Variants in DYNC1H1 observed in about 807,000 individuals in gnomAD.
DYNC1H1 encodes the protein cytoplasmic dynein 1 heavy chain 1.
Under a neutral mutation model 527.1 loss-of-function variants are expected in DYNC1H1, and 51 were observed. That is an observed-to-expected ratio of 0.10 (90% CI 0.08 to 0.12). The LOEUF is 0.12. Ranked by LOEUF, DYNC1H1 falls within the 10% of genes least tolerant of loss-of-function variation. The pLI is 1.00. For synonymous variants in DYNC1H1, 2,189 were observed against 2,278.8 expected (o/e 0.96, Z 1.12); for missense variants, 2,771 against 5,971.8 (o/e 0.46, Z 17.66).
chr14:101,995,918 C>A lies in DYNC1H1; in HGVS notation c.3564+618C>A, dbSNP rs547995922. The stretch of plus-strand genomic sequence containing the variant: ...TCTACAAAAAATATACAAAAAATTA[C>A]CTGAGTGTGGTGGCATGTGCCTGTA... On this transcript the variant is annotated intron_variant, in intron 15 of 77. Coordinates refer to ENST00000360184, the MANE Select transcript of DYNC1H1 (RefSeq NM_001376.5). Among the ~76,000 whole-genome samples, 29 of 150,752 alleles carry A rather than the reference C, an allele frequency of 1.9e-4. 1 individual carries two copies. Among genetic ancestry groups the A allele is most frequent in the African/African-American group, 6.8e-4 (28 of 41,136 alleles).
At position 102,043,144 on chromosome 14, in the gene DYNC1H1, G is replaced by A. The variant is rs1018564029; in HGVS notation, c.12513+396G>A. ...TAAAAATATAAAAAATTAGCCAGGCGTGGTGGCGTGCGCCTATAATCCCAG... is the reference window on the plus strand; with the variant it reads ...TAAAAATATAAAAAATTAGCCAGGCATGGTGGCGTGCGCCTATAATCCCAG... On this transcript the variant is annotated intron_variant, in intron 69 of 77. Coordinates refer to ENST00000360184, the MANE Select transcript of DYNC1H1 (RefSeq NM_001376.5). 14 of 334,294 alleles carry A rather than the reference G, an allele frequency of 4.2e-5. 1 individual carries two copies. The highest frequency in any genetic ancestry group is 2.4e-4 in the East Asian group (3 of 12,716). 20.7% of individuals were successfully genotyped at this position (334,294 alleles called of 1,614,324 possible).
intron 1 of DYNC1H1, among the ~76,000 whole-genome samples, chr14:101,971,622 G>A (rs901592761): frequency 1.3e-5 from 2 of 152,096 alleles, no homozygotes; most frequent in African/African-American, 4.8e-5. Flanking sequence ...CTACTCAGGA[G>A]GCTGAGGTAG....
chr14:102,004,368 A>G (rs2048172406), intron 23 of DYNC1H1, 150 bp from the exon 24 acceptor site: 2 of 849,320 alleles, frequency 2.4e-6, no homozygotes, highest in Admixed American at 3.0e-5. Flanking sequence ...GCCAAGGGCT[A>G]GAAGAAATTC....
At chr14:101,991,885 C>T (rs746699786) in intron 11 of DYNC1H1, among the ~76,000 whole-genome samples, 1 of 152,138 alleles carries the variant, frequency 6.6e-6, no homozygotes, top group Non-Finnish European at 1.5e-5. Context: ...GTAGTTTCTT[C>T]GAACTCCTGT....
chr14:102,036,423 C>G lies in DYNC1H1; in HGVS notation c.10755-66C>G. On this transcript the variant is annotated intron_variant, in intron 56 of 77. Transcript: ENST00000360184. This position sits in a 1 kb window ranked among gnomAD's most constrained non-coding sequence, Gnocchi z 5.6. ...TCAGGGTCTCTCATCAGGGACTCGG[C>G]TAACCGTGATCCTGTGCTTTCCCCA... The G allele has an allele frequency of 6.2e-7, 1 of 1,605,214 alleles. No homozygotes were observed. The highest frequency in any genetic ancestry group is 8.5e-7 in the Non-Finnish European group (1 of 1,174,514).
intron 13 of DYNC1H1, 65 bp from the exon 14 acceptor site, chr14:101,994,921 A>G (rs1595605396): frequency 2.5e-6 from 4 of 1,613,744 alleles, no homozygotes; most frequent in Middle Eastern, 3.3e-4. Flanking sequence ...ACTGATATTC[A>G]TTTGAAGGAT....
chr14:101,984,742 C>A (rs2047913322), intron 7 of DYNC1H1, among the ~76,000 whole-genome samples: 1 of 150,908 alleles, frequency 6.6e-6, no homozygotes, highest in African/African-American at 2.4e-5. Flanking sequence ...ACTATCCTGG[C>A]TAACACGGTG....
At chr14:102,006,847 G>A (rs943264794) in intron 27 of DYNC1H1, among the ~76,000 whole-genome samples, 161 bp from the exon 28 acceptor site, 5 of 151,056 alleles carry the variant, frequency 3.3e-5, no homozygotes, top group African/African-American at 1.2e-4. Context: ...TGATCTGCCT[G>A]CCTCGGCCTC....
rs1187156536 is a variant in DYNC1H1 at position 101,976,549 on chromosome 14, GA to G, written c.344+762del. ...AAGAGCGAAACTCTGTCTCAAAAAA[GA>G]AAAAAAAAAAAGGAAAAGAAAACGC... is the stretch of plus-strand genomic sequence containing the variant. On this transcript the variant is annotated intron_variant, in intron 2 of 77. Transcript: ENST00000360184. Among the ~76,000 whole-genome samples the G allele has an allele frequency of 6.3e-3, 828 of 131,036 alleles. 9 individuals carry two copies. The highest frequency in any genetic ancestry group is 0.019 in the African/African-American group (692 of 35,852). 86.0% of individuals were successfully genotyped at this position (131,036 alleles called of 152,430 possible). A position where few individuals can be genotyped will look rare whatever the true frequency, so the allele number is the denominator to read the frequency against.
At chr14:102,048,428 C>G (rs1321630648) in intron 73 of DYNC1H1, 88 bp from the exon 74 acceptor site, 2 of 1,569,786 alleles carry the variant, frequency 1.3e-6, no homozygotes, top group Non-Finnish European at 1.7e-6. Flanking sequence ...CTGGGGCTCT[C>G]CCCGGAGGCC....
At position 101,990,399 on chromosome 14, in the gene DYNC1H1, G is replaced by A. The variant is rs77683244; in HGVS notation, c.2869-1128G>A. On this transcript the variant is annotated intron_variant, in intron 10 of 77. Transcript: ENST00000360184. ...GTACCTGTTGTGTGTTCAATCCCTG[G>A]GCACCAGGGACCCAGGAGAAGGTGA... Among the ~76,000 whole-genome samples the A allele has an allele frequency of 5.5e-3, 836 of 152,174 alleles. 17 individuals carry two copies. The highest frequency in any genetic ancestry group is 0.037 in the East Asian group (190 of 5,176).
rs59446522 is a variant in DYNC1H1, at chr14:101,973,199, AT to A, written c.257-2497del. ...TTATTGTCTCTCGATAGATACACTA[AT>A]TTTTTTTTTTTTTTTGAGATCAATC... On this transcript the variant is annotated intron_variant, in intron 1 of 77. Coordinates refer to ENST00000360184, the MANE Select transcript of DYNC1H1 (RefSeq NM_001376.5). Among the ~76,000 whole-genome samples the A allele has an allele frequency of 5.4e-3, 765 of 141,286 alleles. 2 individuals carry two copies. Among genetic ancestry groups the A allele is most frequent in the Middle Eastern group, 0.018 (5 of 274 alleles). 92.7% of individuals were successfully genotyped at this position (141,286 alleles called of 152,430 possible).
Position 101,983,697 on chromosome 14 carries a change from G to C in DYNC1H1, c.1461+88G>C. On this transcript the variant is annotated intron_variant, in intron 7 of 77. Coordinates refer to ENST00000360184, the MANE Select transcript of DYNC1H1 (RefSeq NM_001376.5). The surrounding 1 kb of genome is among the most constrained non-coding windows in gnomAD (Gnocchi z 5.3). The stretch of plus-strand genomic sequence containing the variant: ...GTTTTTTTTTTGTTGTTGTTGTTGA[G>C]ATGAAGTTTCACTCTTGTTGCCCAG... 1 of 1,452,222 alleles carries C rather than the reference G, an allele frequency of 6.9e-7. No homozygotes were observed. The highest frequency in any genetic ancestry group is 9.4e-7 in the Non-Finnish European group (1 of 1,067,016). The allele number at this position is 1,452,222 out of a possible 1,614,324, so 90.0% of individuals were successfully genotyped here. A position where few individuals can be genotyped will look rare whatever the true frequency, so the allele number is the denominator to read the frequency against.
rs1046790029 is a variant in DYNC1H1 at position 102,041,423 on chromosome 14, C to T, written c.11942-151C>T. 1.6e-6 allele frequency: 2 copies of T among 1,255,560 alleles called. No individual in the cohort carries two copies. The highest frequency in any genetic ancestry group is 2.3e-6 in the Non-Finnish European group (2 of 869,664). 77.8% of individuals were successfully genotyped at this position (1,255,560 alleles called of 1,614,324 possible). On this transcript the variant is annotated intron_variant, in intron 64 of 77. Coordinates refer to ENST00000360184, the MANE Select transcript of DYNC1H1 (RefSeq NM_001376.5). This position sits in a 1 kb window ranked among gnomAD's most constrained non-coding sequence, Gnocchi z 4.5. ...GTGTCCAGAGGGCTCACGGAAGGCA[C>T]AGCAGATGTGGCTGAATTTCCTGAT... is the stretch of plus-strand genomic sequence containing the variant.
chr14:101,991,493 A>T lies in DYNC1H1; in HGVS notation c.2869-34A>T, dbSNP rs77811545. ...AAAAATTTTTTTTATTGAAAAATAG[A>T]TTGCTGAGTAGAAATGAAACCTTTC... is the stretch of plus-strand genomic sequence containing the variant. On this transcript the variant is annotated intron_variant, in intron 10 of 77. Transcript: ENST00000360184. 3.9e-3 allele frequency: 6,340 copies of T among 1,613,900 alleles called. 351 individuals carry two copies. In the East Asian group the frequency reaches 0.12, roughly 32 times the overall value.
In DYNC1H1 at chr14:102,033,595, C is replaced by A; in HGVS notation, c.10413+111C>A. On this transcript the variant is annotated intron_variant, in intron 54 of 77. Transcript: ENST00000360184. The surrounding 1 kb of genome is among the most constrained non-coding windows in gnomAD (Gnocchi z 5.6). ...TGGCCTCGGTGAATTCGCTCTTTAA[C>A]ATCTGTAAGGCCCCGGAGGACTTTT... 7.1e-7 allele frequency: 1 copy of A among 1,402,412 alleles called. No homozygotes were observed. Among genetic ancestry groups the A allele is most frequent in the Non-Finnish European group, 9.8e-7 (1 of 1,017,450 alleles). 86.9% of individuals were successfully genotyped at this position (1,402,412 alleles called of 1,614,324 possible). A position where few individuals can be genotyped will look rare whatever the true frequency, so the allele number is the denominator to read the frequency against.
chr14:102,010,072 C>T lies in DYNC1H1; in HGVS notation c.6207C>T (p.Ile2069=), dbSNP rs764354743. Residue 2069 remains isoleucine (I), a synonymous_variant, in exon 30 of 78, where the codon ATC becomes ATT. Coordinates refer to ENST00000360184, the MANE Select transcript of DYNC1H1 (RefSeq NM_001376.5). The surrounding 1 kb of genome is among the most constrained non-coding windows in gnomAD (Gnocchi z 6.0). ...FRTAEVLANK[I]VPFFKLCDEQ... is the part of the protein sequence containing the mutation. The stretch of plus-strand genomic sequence containing the variant: ...CTGCTGAAGTGCTTGCCAACAAAAT[C>T]GTCCCGTTTTTTAAGTAAGTAGCCT... The T allele has an allele frequency of 7.4e-6, 12 of 1,613,554 alleles. No individual in the cohort carries two copies. Among genetic ancestry groups the T allele is most frequent in the African/African-American group, 5.3e-5 (4 of 74,900 alleles).
intron 72 of DYNC1H1, among the ~76,000 whole-genome samples, chr14:102,046,643 G>A (rs2048723354): frequency 6.6e-6 from 1 of 152,188 alleles, no homozygotes. Context: ...AGTTAAGAGG[G>A]CAGGTGGCAC....
chr14:102,029,374 T>C lies in DYNC1H1; in HGVS notation c.9469-165T>C. On this transcript the variant is annotated intron_variant, in intron 48 of 77. Transcript: ENST00000360184. The surrounding 1 kb of genome is among the most constrained non-coding windows in gnomAD (Gnocchi z 5.3). ...GAGGTTTGGAAGTGTAAGGGGTATC[T>C]CGAAAGCTCTAAGTGGCTAAGCTGA... 1.2e-6 allele frequency: 1 copy of C among 812,398 alleles called. No homozygotes were observed. The highest frequency in any genetic ancestry group is 3.3e-4 in the Middle Eastern group (1 of 3,038). 50.3% of individuals were successfully genotyped at this position (812,398 alleles called of 1,614,324 possible).
Sources: gnomAD v4.1 joint callset for allele counts (sites outside exome capture counted in the v4.1 genomes callset) on GRCh38, gnomAD v4.1.1 for gene constraint, Gnocchi (gnomAD v3.1) non-coding constraint, MANE v1.5 for transcripts, NCBI Gene and HGNC (gene_info 2026-07-23, HGNC 2026-07-21) for gene names.